FBXO15: variants seen among roughly 807,000 people sequenced by gnomAD.
The protein encoded by FBXO15 is F-box only protein 15.
FBXO15 carries 30 observed loss-of-function variants against 49.5 expected under a neutral mutation model. That is an observed-to-expected ratio of 0.61 (90% confidence interval 0.45 to 0.82). FBXO15 has a LOEUF of 0.82. FBXO15 is among the 40% of genes least tolerant of loss of function. The pLI, the probability that FBXO15 is intolerant of heterozygous loss-of-function variation, is 0.00. For missense variants in FBXO15, 591 were observed against 631.5 expected (o/e 0.94, Z 0.69); for synonymous variants, 250 against 232.7 (o/e 1.07, Z -0.68).
At chr18:74,140,342 T>C in intron 1 of FBXO15, 30 bp from the exon 2 acceptor site, 2 of 1,531,956 alleles carry the variant, frequency 1.3e-6, no homozygotes, top group African/African-American at 1.4e-5. Context: ...ATTCAAATTA[T>C]GTAATTACCA....
intron 8 of FBXO15, chr18:74,096,968 T>G (rs1913305708): frequency 6.6e-6 from 1 of 152,284 alleles, no homozygotes; most frequent in Admixed American, 6.5e-5. Context: ...ATTGGAGAAC[T>G]TGAAGGTCTA....
At chr18:74,109,972 G>A (rs1424006115) in intron 8 of FBXO15, among the ~76,000 whole-genome samples, 2 of 151,382 alleles carry the variant, frequency 1.3e-5, no homozygotes, top group Non-Finnish European at 2.9e-5. Context: ...AGAACTTAAA[G>A]TATAATAATT....
intron 8 of FBXO15, chr18:74,122,948 G>T (rs1470824069): frequency 6.5e-6 from 1 of 154,190 alleles, no homozygotes. Context: ...GGTAGGTGTG[G>T]CAAACAGTGA....
intron 8 of FBXO15, among the ~76,000 whole-genome samples, chr18:74,116,478 T>C (rs1448781629): frequency 2.6e-5 from 4 of 152,130 alleles, no homozygotes; most frequent in East Asian, 1.9e-4. Flanking sequence ...TATTCAAAAA[T>C]AGAATCCTGG....
At chr18:74,084,245 T>C (rs1912626903) in intron 8 of FBXO15, among the ~76,000 whole-genome samples, 1 of 152,204 alleles carries the variant, frequency 6.6e-6, no homozygotes, top group African/African-American at 2.4e-5. Flanking sequence ...TCCCAATACT[T>C]GAAGTAATGG....
chr18:74,118,915 G>A (rs1914358653), intron 8 of FBXO15, among the ~76,000 whole-genome samples: 1 of 152,188 alleles, frequency 6.6e-6, no homozygotes, highest in Non-Finnish European at 1.5e-5. Context: ...TTTAGAAGGG[G>A]AACTCTGATG....
chr18:74,104,666 T>C (rs538794538), intron 8 of FBXO15, among the ~76,000 whole-genome samples: 1 of 152,146 alleles, frequency 6.6e-6, no homozygotes, highest in South Asian at 2.1e-4. Context: ...CAGGATAAAA[T>C]AGACGGTAAT....
Position 74,075,212 on chromosome 18 carries a change from G to A in FBXO15, c.1264-1482C>T, listed in dbSNP as rs1160877237. 1.3e-5 allele frequency among the ~76,000 whole-genome samples: 2 copies of A among 152,146 alleles called. No homozygotes were observed. Among genetic ancestry groups the A allele is most frequent in the South Asian group, 2.1e-4 (1 of 4,824 alleles). On this transcript the variant is annotated intron_variant, in intron 9 of 9. Coordinates refer to ENST00000419743, the MANE Select transcript of FBXO15 (RefSeq NM_001142958.2). This position sits in a 1 kb window ranked among gnomAD's most constrained non-coding sequence, Gnocchi z 4.1. ...CTCAGCCCTCTGCATCCTGCTAGGA[G>A]GGTGATCTCTGCAGAGAACCTCGGC...
At chr18:74,138,890 G>C (rs1978888410) in intron 2 of FBXO15, among the ~76,000 whole-genome samples, 2 of 152,012 alleles carry the variant, frequency 1.3e-5, no homozygotes, top group Admixed American at 6.6e-5. Context: ...TCTCCCACTT[G>C]CCTGTGTCTC....
rs550900808 is a variant in FBXO15 at position 74,147,605 on chromosome 18, G to A, written c.116+65C>T. On this transcript the variant is annotated intron_variant, in intron 1 of 9. Transcript: ENST00000419743. Reference sequence around the variant, plus strand: ...CTGGACGAATAAAATACACGGTGAAGAGAGCGGGGCCGCGCAGTGACGGGC... The same window carrying A: ...CTGGACGAATAAAATACACGGTGAAAAGAGCGGGGCCGCGCAGTGACGGGC... 9 of 1,345,020 alleles carry A rather than the reference G, an allele frequency of 6.7e-6. No homozygotes were observed. In the South Asian group the frequency reaches 1.5e-4, roughly 22 times the overall value. 83.3% of individuals were successfully genotyped at this position (1,345,020 alleles called of 1,614,324 possible).
At chr18:74,092,026 G>A (rs376626203) in intron 8 of FBXO15, among the ~76,000 whole-genome samples, 18 of 152,256 alleles carry the variant, frequency 1.2e-4, no homozygotes, top group African/African-American at 2.4e-4. Context: ...CCGATGCATC[G>A]TAGATTTGGT....
At chr18:74,118,668 C>G (rs752323580) in intron 8 of FBXO15, among the ~76,000 whole-genome samples, 5 of 151,938 alleles carry the variant, frequency 3.3e-5, no homozygotes, top group Non-Finnish European at 5.9e-5. Context: ...TTTTATAGAA[C>G]AGTTGGTATT....
intron 8 of FBXO15, among the ~76,000 whole-genome samples, chr18:74,105,331 G>C (rs1943926): frequency 6.6e-6 from 1 of 152,056 alleles, no homozygotes; most frequent in Non-Finnish European, 1.5e-5. Context: ...CCCTTAAAAT[G>C]ATGAACCTCA....
intron 8 of FBXO15, among the ~76,000 whole-genome samples, chr18:74,102,080 A>G (rs901365570): frequency 6.6e-6 from 1 of 152,204 alleles, no homozygotes; most frequent in Non-Finnish European, 1.5e-5. Flanking sequence ...CCAAGAACCC[A>G]AAAGGAAATG....
chr18:74,142,627 A>G (rs1342790593), intron 1 of FBXO15, among the ~76,000 whole-genome samples: 1 of 152,100 alleles, frequency 6.6e-6, no homozygotes, highest in African/African-American at 2.4e-5. Context: ...TCACAGAGCA[A>G]TCTTCCCTCT....
chr18:74,140,430 T>A, intron 1 of FBXO15, 118 bp from the exon 2 acceptor site: 1 of 865,514 alleles, frequency 1.2e-6, no homozygotes, highest in Non-Finnish European at 1.6e-6. Flanking sequence ...CTGAAAAACT[T>A]AATTTCTGCA....
At chr18:74,098,380 T>C (rs1355526022) in intron 8 of FBXO15, 1 of 151,638 alleles carries the variant, frequency 6.6e-6, no homozygotes, top group Admixed American at 6.6e-5. Flanking sequence ...ATATAAGAAA[T>C]GAGGGGGGAA....
At chr18:74,092,200 G>T (rs111599097) in intron 8 of FBXO15, among the ~76,000 whole-genome samples, 1 of 152,070 alleles carries the variant, frequency 6.6e-6, no homozygotes, top group Non-Finnish European at 1.5e-5. Flanking sequence ...TGAAATTCTT[G>T]AAGTGAGTTT....
At chr18:74,115,166 C>A (rs1017831801) in intron 8 of FBXO15, among the ~76,000 whole-genome samples, 1 of 152,108 alleles carries the variant, frequency 6.6e-6, no homozygotes, top group Non-Finnish European at 1.5e-5. Flanking sequence ...GAGCTGAGCC[C>A]GCTGGAGACA....
Sources: gnomAD v4.1 joint callset for allele counts (sites outside exome capture counted in the v4.1 genomes callset) on GRCh38, gnomAD v4.1.1 for gene constraint, Gnocchi (gnomAD v3.1) non-coding constraint, MANE v1.5 for transcripts, NCBI Gene and HGNC (gene_info 2026-07-23, HGNC 2026-07-21) for gene names.